Variants in GALNT14 observed in about 807,000 individuals in gnomAD.
The protein encoded by GALNT14 is polypeptide N-acetylgalactosaminyltransferase 14.
Under a neutral mutation model 77.5 loss-of-function variants are expected in GALNT14, and 60 were observed. The observed-to-expected ratio is 0.77, with a 90% CI of 0.63 to 0.96. The LOEUF is 0.96. Among genes scored for constraint, GALNT14 ranks in the 40% least tolerant of loss-of-function variants. The pLI is 0.00. For missense variants in GALNT14, 710 were observed against 731.0 expected, an observed-to-expected ratio of 0.97 and a Z score of 0.33; for synonymous variants, 280 against 281.7, an observed-to-expected ratio of 0.99 and a Z score of 0.06.
chr2:30,897,952 T>G, the GALNT14 span, among the ~76,000 whole-genome samples: 9 of 152,198 alleles, frequency 5.9e-5, no homozygotes, highest in Admixed American at 5.2e-4. Flanking sequence ...AGTCTCAGCC[T>G]GGCCTCTAAT....
At chr2:31,082,323 A>T (rs1676196996) in intron 1 of GALNT14, among the ~76,000 whole-genome samples, 1 of 152,256 alleles carries the variant, frequency 6.6e-6, no homozygotes. Flanking sequence ...CCAAGTCTCC[A>T]CAAACAGTTC....
intron 1 of GALNT14, among the ~76,000 whole-genome samples, chr2:31,009,857 T>A (rs1670907845): frequency 6.6e-6 from 1 of 152,204 alleles, no homozygotes; most frequent in Non-Finnish European, 1.5e-5. Context: ...CTGTTGGTTC[T>A]GCCTGCAAAG....
Position 31,138,125 on chromosome 2 carries a change from C to T in GALNT14, c.-39G>A, listed in dbSNP as rs1418988656. The T allele has an allele frequency of 1.2e-6, 2 of 1,612,786 alleles. No individual in the cohort carries two copies. Among genetic ancestry groups the T allele is most frequent in the South Asian group, 1.1e-5 (1 of 91,018 alleles). On this transcript the variant is annotated 5_prime_UTR_variant, in exon 1 of 15. Coordinates refer to ENST00000349752, the MANE Select transcript of GALNT14 (RefSeq NM_024572.4). ...GCTTCCTCTCCGCGGCGCTACGTCC[C>T]GGGGGCACCCCCCGGCGGTCAGGGT...
At chr2:30,970,004 TAAC>T (rs1312749143) in intron 2 of GALNT14, among the ~76,000 whole-genome samples, 2 of 152,226 alleles carry the variant, frequency 1.3e-5, no homozygotes, top group Non-Finnish European at 2.9e-5. Context: ...AAAATGGAGA[TAAC>T]AATTCTGGAA....
intron 1 of GALNT14, among the ~76,000 whole-genome samples, chr2:31,048,792 G>C (rs13009298): frequency 0.28 from 43,117 of 151,850 alleles, 6,735 homozygotes; most frequent in East Asian, 0.44. Flanking sequence ...CTTCATTGTA[G>C]GCCAGGTCAA....
At chr2:30,897,056 C>G in the GALNT14 span, among the ~76,000 whole-genome samples, 1 of 152,172 alleles carries the variant, frequency 6.6e-6, no homozygotes, top group Non-Finnish European at 1.5e-5. Context: ...CGCTACTTTA[C>G]TCGATTAAGT....
At position 31,053,749 on chromosome 2, in the gene GALNT14, A is replaced by G. The variant is rs78976398; in HGVS notation, c.130-60742T>C. 3.4e-3 allele frequency among the ~76,000 whole-genome samples: 512 copies of G among 152,304 alleles called. 2 individuals carry two copies. Among genetic ancestry groups the G allele is most frequent in the South Asian group, 8.7e-3 (42 of 4,822 alleles). ...ACAAATACTTAGCTTCTGATTAGAC[A>G]GGTTTCTTCACCACCTCGGCATCCA... On this transcript the variant is annotated intron_variant, in intron 1 of 14. Coordinates refer to ENST00000349752, the MANE Select transcript of GALNT14 (RefSeq NM_024572.4).
chr2:30,958,603 T>C (rs1270793401), intron 3 of GALNT14, 139 bp from the exon 4 acceptor site: 1 of 651,078 alleles, frequency 1.5e-6, no homozygotes, highest in Non-Finnish European at 2.7e-6. Flanking sequence ...TCATATTGCT[T>C]ATCTGTGAGC....
At chr2:31,003,997 C>T (rs976413880) in intron 1 of GALNT14, among the ~76,000 whole-genome samples, 4 of 152,234 alleles carry the variant, frequency 2.6e-5, no homozygotes, top group African/African-American at 9.6e-5. Context: ...AATTCCACCA[C>T]CAAAGACTGA....
intron 11 of GALNT14, among the ~76,000 whole-genome samples, chr2:30,927,051 T>C (rs1455368530): frequency 6.6e-6 from 1 of 152,084 alleles, no homozygotes; most frequent in Non-Finnish European, 1.5e-5. Context: ...TAAATGATGA[T>C]GGGAATAATG....
At chr2:30,929,578 G>A (rs1297769306) in intron 10 of GALNT14, 91 bp from the exon 11 acceptor site, 1 of 900,248 alleles carries the variant, frequency 1.1e-6, no homozygotes, top group Admixed American at 2.1e-5. Context: ...TGTGGGCTGA[G>A]TTGGCAACAC....
rs538671417 is a variant in GALNT14, at chr2:30,976,642, C to T, written c.300-10340G>A. 8.5e-4 allele frequency among the ~76,000 whole-genome samples: 115 copies of T among 134,836 alleles called. 1 individual carries two copies. In the East Asian group the frequency reaches 0.024, roughly 28 times the overall value. The allele number at this position is 134,836 out of a possible 152,430, so 88.5% of individuals were successfully genotyped here. A position where few individuals can be genotyped will look rare whatever the true frequency, so the allele number is the denominator to read the frequency against. The stretch of plus-strand genomic sequence containing the variant: ...GTGTATGTGTGTGTGTGTGTGTGTG[C>T]AAAAAAGAATCTTCTCAAAAGGCAA... On this transcript the variant is annotated intron_variant, in intron 2 of 14. Transcript: ENST00000349752.
intron 1 of GALNT14, among the ~76,000 whole-genome samples, chr2:31,049,522 C>A (rs994710643): frequency 1.3e-5 from 2 of 152,212 alleles, no homozygotes; most frequent in Non-Finnish European, 2.9e-5. Context: ...CCTGGAAGCT[C>A]AACTGCTGGC....
intron 1 of GALNT14, among the ~76,000 whole-genome samples, chr2:31,134,129 A>C (rs998253236): frequency 1.3e-5 from 2 of 152,226 alleles, no homozygotes; most frequent in African/African-American, 4.8e-5. Flanking sequence ...CAAGGGCCTG[A>C]TGGCCCAGAA....
At chr2:30,914,835 C>A (rs1664580667) in intron 13 of GALNT14, among the ~76,000 whole-genome samples, 1 of 152,104 alleles carries the variant, frequency 6.6e-6, no homozygotes, top group African/African-American at 2.4e-5. Context: ...ATTCTGAAGT[C>A]CTAAATATCC....
At chr2:30,928,353 T>C (rs1485608025) in intron 11 of GALNT14, among the ~76,000 whole-genome samples, 1 of 152,120 alleles carries the variant, frequency 6.6e-6, no homozygotes, top group Non-Finnish European at 1.5e-5. Flanking sequence ...AATGATAGCA[T>C]TAGTGAAGTT....
the GALNT14 span, among the ~76,000 whole-genome samples, chr2:30,893,147 A>G: frequency 6.6e-6 from 1 of 152,218 alleles, no homozygotes; most frequent in African/African-American, 2.4e-5. Flanking sequence ...GTTTCAGAAA[A>G]GAGGGAAACA....
Position 31,063,828 on chromosome 2 carries a change from T to C in GALNT14, c.130-70821A>G, listed in dbSNP as rs1212615080. ...CTATTCTCTTTGTAGCAATTCTGAA[T>C]GGGAGTTCACTCATGATTTGGCTCT... On this transcript the variant is annotated intron_variant, in intron 1 of 14. Transcript: ENST00000349752. Among the ~76,000 whole-genome samples the C allele has an allele frequency of 4.6e-5, 7 of 152,290 alleles. No individual in the cohort carries two copies. In the East Asian group the frequency reaches 1.4e-3, roughly 29 times the overall value.
At chr2:31,047,628 C>T (rs1408608854) in intron 1 of GALNT14, among the ~76,000 whole-genome samples, 1 of 152,192 alleles carries the variant, frequency 6.6e-6, no homozygotes, top group African/African-American at 2.4e-5. Flanking sequence ...AGCTAGTGAC[C>T]TTGAGGGGTT....
Sources: gnomAD v4.1 joint callset for allele counts (sites outside exome capture counted in the v4.1 genomes callset) on GRCh38, gnomAD v4.1.1 for gene constraint, MANE v1.5 for transcripts, NCBI Gene and HGNC (gene_info 2026-07-23, HGNC 2026-07-21) for gene names.